The following POT1 variants were observed in gnomAD, a reference collection of about 807,000 sequenced individuals.
The protein encoded by POT1 is protection of telomeres 1, also known as protection of telomeres protein 1.
POT1 carries 47 observed loss-of-function variants against 78.5 expected under a neutral mutation model. The observed-to-expected ratio is 0.60, with a 90% CI of 0.47 to 0.76. The LOEUF (loss-of-function observed/expected upper bound fraction) is 0.76. POT1 is among the 30% of genes least tolerant of loss of function. The pLI is 0.00. For missense variants in POT1, 646 were observed against 749.9 expected, an observed-to-expected ratio of 0.86 and a Z score of 1.62; for synonymous variants, 259 against 260.7, an observed-to-expected ratio of 0.99 and a Z score of 0.06.
chr7:124,857,694 C>T (rs2116520502), intron 9 of POT1, among the ~76,000 whole-genome samples: 1 of 152,294 alleles, frequency 6.6e-6, no homozygotes, highest in Admixed American at 6.5e-5. Context: ...ATCCTCTTTT[C>T]ACTTCCCCTT....
intron 2 of POT1, among the ~76,000 whole-genome samples, chr7:124,924,327 T>C (rs1797223203): frequency 6.6e-6 from 1 of 151,564 alleles, no homozygotes; most frequent in South Asian, 2.1e-4. Context: ...ATTCTAAAGG[T>C]AATTAGAGAC....
chr7:124,905,964 C>A (rs1184205720), intron 3 of POT1, among the ~76,000 whole-genome samples: 1 of 152,096 alleles, frequency 6.6e-6, no homozygotes, highest in Non-Finnish European at 1.5e-5. Flanking sequence ...GTTAGAATGG[C>A]AATCATTAAA....
At position 124,832,803 on chromosome 7, in the gene POT1, T is replaced by C. The variant is rs138270738; in HGVS notation, c.1505+2476A>G. ...TGCCACTGCACTCCTATCTGGGCAA[T>C]AGAGCAAGACTTCATCTCAAAAAAA... On this transcript the variant is annotated intron_variant, in intron 15 of 18. Coordinates refer to ENST00000357628, the MANE Select transcript of POT1 (RefSeq NM_015450.3). Among the ~76,000 whole-genome samples the C allele has an allele frequency of 4.0e-3, 550 of 137,414 alleles. 2 individuals are homozygous for C. The highest frequency in any genetic ancestry group is 0.014 in the African/African-American group (512 of 36,744). The allele number at this position is 137,414 out of a possible 152,430, so 90.1% of individuals were successfully genotyped here. A position where few individuals can be genotyped will look rare whatever the true frequency, so the allele number is the denominator to read the frequency against.
At chr7:124,840,065 C>T (rs531221805) in intron 14 of POT1, among the ~76,000 whole-genome samples, 12 of 151,382 alleles carry the variant, frequency 7.9e-5, no homozygotes, top group Admixed American at 4.0e-4. Context: ...AGAGATTTTC[C>T]GTATCCCCTT....
At chr7:124,865,496 C>T (rs1795697828) in intron 7 of POT1, among the ~76,000 whole-genome samples, 1 of 151,964 alleles carries the variant, frequency 6.6e-6, no homozygotes, top group African/African-American at 2.4e-5. Context: ...TAGGTAGCTT[C>T]TAATGATTTG....
chr7:124,895,396 G>A (rs10954049), intron 5 of POT1, among the ~76,000 whole-genome samples: 90,940 of 151,238 alleles, frequency 0.6, 27,463 homozygotes, highest in African/African-American at 0.65. Flanking sequence ...CAATCAGTCA[G>A]GAAAATGTGA....
chr7:124,924,989 A>G (rs1362951833), intron 2 of POT1, among the ~76,000 whole-genome samples: 1 of 152,098 alleles, frequency 6.6e-6, no homozygotes, highest in Non-Finnish European at 1.5e-5. Context: ...ATGTATGACA[A>G]ATCCACAGCC....
rs1164712855 is a variant in POT1 at position 124,823,913 on chromosome 7, A to AG, written c.*48dup. 1 of 1,201,862 alleles carries AG rather than the reference A, an allele frequency of 8.3e-7. No individual in the cohort carries two copies. Among genetic ancestry groups the AG allele is most frequent in the Non-Finnish European group, 1.2e-6 (1 of 816,296 alleles). The allele number at this position is 1,201,862 out of a possible 1,614,324, so 74.4% of individuals were successfully genotyped here. ...TCAGGTCAGGAAAAGAAGCTCAAAC[A>AG]GGGAAGGTGAGTGGCAACATTTTAT... is the stretch of plus-strand genomic sequence containing the variant. On this transcript the variant is annotated 3_prime_UTR_variant, in exon 19 of 19. Coordinates refer to ENST00000357628, the MANE Select transcript of POT1 (RefSeq NM_015450.3).
At chr7:124,840,174 T>C (rs1794992342) in intron 14 of POT1, among the ~76,000 whole-genome samples, 1 of 152,088 alleles carries the variant, frequency 6.6e-6, no homozygotes, top group East Asian at 1.9e-4. Context: ...ACCCAAAGTC[T>C]ATAATTTACA....
intron 7 of POT1, among the ~76,000 whole-genome samples, chr7:124,868,311 C>G (rs1435148879): frequency 6.6e-6 from 1 of 151,984 alleles, no homozygotes; most frequent in Non-Finnish European, 1.5e-5. Flanking sequence ...AATAGAGAAA[C>G]AACTTTATAG....
In POT1 at chr7:124,852,829, T is replaced by G. The variant is rs74970329; in HGVS notation, c.869+143A>C. On this transcript the variant is annotated intron_variant, in intron 10 of 18. Coordinates refer to ENST00000357628, the MANE Select transcript of POT1 (RefSeq NM_015450.3). Reference sequence around the variant, plus strand: ...CTCTATGAGCCTATAATCATTTGATTTGTTTCATTTGGCTCATCTATTTAA... The same window carrying G: ...CTCTATGAGCCTATAATCATTTGATGTGTTTCATTTGGCTCATCTATTTAA... 9.4e-4 allele frequency: 641 copies of G among 683,644 alleles called. 8 individuals carry two copies. In the East Asian group the frequency reaches 0.017, roughly 18 times the overall value. 42.3% of individuals were successfully genotyped at this position (683,644 alleles called of 1,614,324 possible).
intron 14 of POT1, among the ~76,000 whole-genome samples, chr7:124,837,553 A>G (rs548960526): frequency 6.6e-6 from 1 of 152,248 alleles, no homozygotes; most frequent in Admixed American, 6.5e-5. Flanking sequence ...GAATAGGTCT[A>G]TGTCTATAGA....
intron 6 of POT1, among the ~76,000 whole-genome samples, chr7:124,875,446 AG>A (rs1343251013): frequency 2.0e-5 from 3 of 152,224 alleles, no homozygotes; most frequent in Non-Finnish European, 4.4e-5. Context: ...ACATAAAAGA[AG>A]TCTGGAGACA....
intron 3 of POT1, among the ~76,000 whole-genome samples, chr7:124,905,290 C>T (rs1185903154): frequency 6.6e-6 from 1 of 152,040 alleles, no homozygotes; most frequent in South Asian, 2.1e-4. Flanking sequence ...GAGATATAGA[C>T]CAATGGAACA....
In POT1 at chr7:124,892,273, T is replaced by A; in HGVS notation, c.117A>T (p.Lys39Asn). The A allele has an allele frequency of 6.6e-7, 1 of 1,525,010 alleles. No individual in the cohort carries two copies. The highest frequency in any genetic ancestry group is 8.8e-7 in the Non-Finnish European group (1 of 1,139,278). The allele number at this position is 1,525,010 out of a possible 1,614,324, so 94.5% of individuals were successfully genotyped here. The change falls in exon 6 of 19, where the codon AAA becomes AAT. Residue 39 changes from lysine to asparagine, a missense_variant. Physicochemically the swap from Lys to Asn is moderately conservative, Grantham distance 94. This residue lies in a region of POT1 where 252 missense variants were observed against 341.4 expected (regional missense o/e 0.74). Transcript: ENST00000357628. The part of the protein sequence containing the change: ...VKFFKPPYLS[K>N]GTDYCSVVTI... ...ACCAGTTTTAATACCTACCAGTTCC[T>A]TTGCTTAGATATGGGGGCTTAAAGA...
intron 12 of POT1, among the ~76,000 whole-genome samples, chr7:124,846,267 C>T (rs1795164700): frequency 1.3e-5 from 2 of 151,908 alleles, no homozygotes; most frequent in Admixed American, 6.6e-5. Flanking sequence ...CTGTATTTAC[C>T]TAGAAAACAT....
At chr7:124,919,266 C>T (rs1797089756) in intron 2 of POT1, among the ~76,000 whole-genome samples, 1 of 152,064 alleles carries the variant, frequency 6.6e-6, no homozygotes, top group Non-Finnish European at 1.5e-5. Context: ...GATGGACCAC[C>T]ATCATATATA....
intron 11 of POT1, among the ~76,000 whole-genome samples, chr7:124,850,323 A>G (rs1795272276): frequency 6.6e-6 from 1 of 152,220 alleles, no homozygotes; most frequent in Non-Finnish European, 1.5e-5. Flanking sequence ...GTCATCAGTT[A>G]ACAGCTAAGT....
At chr7:124,877,480 A>G (rs2116586662) in intron 6 of POT1, among the ~76,000 whole-genome samples, 1 of 152,156 alleles carries the variant, frequency 6.6e-6, no homozygotes. Context: ...AGGCCTAGCA[A>G]ACAACTACTC....
Sources: allele counts gnomAD v4.1 joint callset (sites outside exome capture counted in the v4.1 genomes callset), GRCh38; gene constraint gnomAD v4.1.1; regional missense constraint gnomAD v4.1.1; transcripts MANE v1.5; gene names NCBI Gene and HGNC (gene_info 2026-07-23, HGNC 2026-07-21).